The following TFR2 variants were observed in gnomAD, a reference collection of about 807,000 sequenced individuals.
TFR2 encodes transferrin receptor protein 2.
A neutral mutation model predicts 91.9 loss-of-function variants in TFR2; 64 were observed. That is an observed-to-expected ratio of 0.70 (90% CI 0.57 to 0.86). The LOEUF is 0.86. Among genes scored for constraint, TFR2 ranks in the 40% least tolerant of loss-of-function variants. The pLI, the probability that TFR2 is intolerant of heterozygous loss-of-function variation, is 0.00. For synonymous variants in TFR2, 454 were observed against 459.6 expected (o/e 0.99, Z 0.15); for missense variants, 950 against 1,080.5 (o/e 0.88, Z 1.69).
rs767397462 is a variant in TFR2, at chr7:100,633,102, A to C, written c.748T>G (p.Tyr250Asp). Residue 250 changes from tyrosine (Y) to aspartate (D), a missense_variant, in exon 6 of 18, where the codon TAC becomes GAC. Tyr to Asp is a radical substitution (Grantham distance 160). Transcript: ENST00000223051. ...NVTGELVYAH[Y>D]GRPEDLQDLR... ...TCCTGCAGGTCTTCGGGCCGCCCGT[A>C]GTGGGCGTACACCAGCTCTCCCTGG... 1.2e-6 allele frequency: 2 copies of C among 1,613,370 alleles called. No individual in the cohort carries two copies. Among genetic ancestry groups the C allele is most frequent in the Admixed American group, 1.7e-5 (1 of 59,984 alleles).
intron 17 of TFR2, among the ~76,000 whole-genome samples, chr7:100,621,517 G>A (rs1354792400): frequency 1.3e-5 from 2 of 152,168 alleles, no homozygotes; most frequent in East Asian, 1.9e-4. Context: ...GCCTCCCAAA[G>A]TGCTGGGATT....
intron 8 of TFR2, chr7:100,631,425 G>A (rs547327655): frequency 3.2e-5 from 7 of 217,998 alleles, no homozygotes; most frequent in South Asian, 3.0e-4. Flanking sequence ...TCAGGAGTTC[G>A]AGACCAGTCT....
At position 100,640,805 on chromosome 7, in the gene TFR2, GACC is replaced by G; in HGVS notation, c.351_353del (p.Val118del). The G allele has an allele frequency of 6.2e-7, 1 of 1,614,156 alleles. No individual in the cohort carries two copies. The highest frequency in any genetic ancestry group is 1.3e-5 in the African/African-American group (1 of 75,046). On this transcript the variant is annotated inframe_deletion, in exon 3 of 18. Transcript: ENST00000223051. ...CAGGCTCATAGTTGACATCCTCACT[GACC>G]ACCAACACAGAGTCTCCGCACGCCT...
At chr7:100,633,856 G>A (rs938125634) in intron 3 of TFR2, among the ~76,000 whole-genome samples, 1 of 151,684 alleles carries the variant, frequency 6.6e-6, no homozygotes, top group East Asian at 1.9e-4. Context: ...TTACAGGCAC[G>A]TGCCATCACG....
At chr7:100,621,896 C>T (rs946220241) in intron 17 of TFR2, among the ~76,000 whole-genome samples, 10 of 152,128 alleles carry the variant, frequency 6.6e-5, no homozygotes, top group African/African-American at 2.4e-4. Flanking sequence ...CTAGCCCCAT[C>T]TCTGGTTTGT....
intron 1 of TFR2, 52 bp downstream of exon 1, chr7:100,641,425 G>A: frequency 1.9e-6 from 3 of 1,610,240 alleles, no homozygotes; most frequent in Non-Finnish European, 2.5e-6. Flanking sequence ...GGAGGGGGCT[G>A]AGGGACTTAG....
Position 100,627,765 on chromosome 7 carries a change from T to C in TFR2, c.1661A>G (p.Asn554Ser). 3.1e-6 allele frequency: 5 copies of C among 1,613,630 alleles called. No individual in the cohort carries two copies. Among genetic ancestry groups the C allele is most frequent in the Middle Eastern group, 1.6e-4 (1 of 6,062 alleles). ...QTLYEQVVFT[N>S]PSWDAEVIRP... ...TTACACCTCAGCATCCCAGCTGGGA[T>C]TGGTGAACACCACCTGTTCATAGAG... The change falls in exon 14 of 18, where the codon AAT becomes AGT. Residue 554 changes from asparagine (N) to serine (S), a missense_variant. Coordinates refer to ENST00000223051, the MANE Select transcript of TFR2 (RefSeq NM_003227.4).
At chr7:100,638,022 G>A (rs1177963832) in intron 3 of TFR2, among the ~76,000 whole-genome samples, 3 of 151,052 alleles carry the variant, frequency 2.0e-5, no homozygotes, top group African/African-American at 7.3e-5. Context: ...TTGTTTTTTT[G>A]AGACAGAGTC....
chr7:100,634,123 G>C (rs1463903821), intron 3 of TFR2, among the ~76,000 whole-genome samples: 3 of 149,394 alleles, frequency 2.0e-5, no homozygotes, highest in Non-Finnish European at 4.4e-5. Context: ...CATCCTGTAG[G>C]TTCTTCCCGG....
intron 1 of TFR2, 23 bp downstream of exon 1, chr7:100,641,454 C>A (rs1386253292): frequency 6.2e-7 from 1 of 1,613,648 alleles, no homozygotes; most frequent in Non-Finnish European, 8.5e-7. Flanking sequence ...CCTAAGGGGT[C>A]TTCCCAATCC....
intron 10 of TFR2, among the ~76,000 whole-genome samples, chr7:100,628,820 G>A (rs1419034156): frequency 6.6e-6 from 1 of 151,924 alleles, no homozygotes; most frequent in Non-Finnish European, 1.5e-5. Context: ...AGGCTGGAGT[G>A]CAGTGGTGCG....
chr7:100,640,548 G>C (rs761033696), intron 3 of TFR2, 138 bp downstream of exon 3: 27 of 953,366 alleles, frequency 2.8e-5, no homozygotes, highest in Non-Finnish European at 4.0e-5. Flanking sequence ...CGCTGAACAG[G>C]GGGGCCAGGA....
Position 100,627,173 on chromosome 7 carries a change from C to A in TFR2, c.1995+91G>T, listed in dbSNP as rs537868956. On this transcript the variant is annotated intron_variant, in intron 16 of 17. Transcript: ENST00000223051. ...CTGGATTGCCAGAGAGGACCTAGAC[C>A]CCAGGGAATGCAGAGAGAAGGGGCT... The A allele has an allele frequency of 7.6e-5, 108 of 1,419,818 alleles. No homozygotes were observed. In the African/African-American group the frequency reaches 1.4e-3, roughly 18 times the overall value. 88.0% of individuals were successfully genotyped at this position (1,419,818 alleles called of 1,614,324 possible). A position where few individuals can be genotyped will look rare whatever the true frequency, so the allele number is the denominator to read the frequency against.
intron 3 of TFR2, among the ~76,000 whole-genome samples, chr7:100,636,170 C>CTTTTTT (rs10584926): frequency 2.3e-5 from 2 of 85,732 alleles, no homozygotes; most frequent in Non-Finnish European, 4.3e-5. Context: ...CACCCTGCAT[C>CTTTTTT]TTTTTTTTTT....
At position 100,620,724 on chromosome 7, in the gene TFR2, A is replaced by G; in HGVS notation, c.*133T>C. 7.9e-7 allele frequency: 1 copy of G among 1,271,330 alleles called. No homozygotes were observed. The highest frequency in any genetic ancestry group is 1.1e-6 in the Non-Finnish European group (1 of 901,078). 78.8% of individuals were successfully genotyped at this position (1,271,330 alleles called of 1,614,324 possible). ...GCTGGGGTCTGGGCTCCGTGGAGAG[A>G]TGTGTAGGGGTAATGAGAAATTGAT... is the stretch of plus-strand genomic sequence containing the variant. On this transcript the variant is annotated 3_prime_UTR_variant, in exon 18 of 18. Transcript: ENST00000223051.
intron 7 of TFR2, 48 bp downstream of exon 7, chr7:100,632,034 T>C (rs770879896): frequency 5.6e-6 from 9 of 1,613,912 alleles, no homozygotes; most frequent in South Asian, 5.5e-5. Flanking sequence ...AGCAAGAAGG[T>C]GTGGCCTCGG....
intron 17 of TFR2, among the ~76,000 whole-genome samples, chr7:100,624,597 G>A (rs889079513): frequency 6.6e-6 from 1 of 152,174 alleles, no homozygotes; most frequent in Admixed American, 6.6e-5. Context: ...AGGGAGCAGA[G>A]GCTCACGCCT....
rs568798511 is a variant in TFR2, at chr7:100,627,302, G to T, written c.1957C>A (p.His653Asn). The T allele has an allele frequency of 8.4e-6, 13 of 1,549,574 alleles. No homozygotes were observed. In the East Asian group the frequency reaches 3.2e-4, roughly 38 times the overall value. Reference sequence around the variant, plus strand: ...GAGAACTCGTTGAGGTTCCCGATGTGCCTGAGGACGACGTCCCCGTAGCGG... The same window carrying T: ...GAGAACTCGTTGAGGTTCCCGATGTTCCTGAGGACGACGTCCCCGTAGCGG... ...FGRYGDVVLRHIGNLNEFSGD... is the reference protein window; with the variant it reads ...FGRYGDVVLRNIGNLNEFSGD... The change falls in exon 16 of 18, where the codon CAC becomes AAC. Residue 653 changes from histidine (H) to asparagine (N), a missense_variant. Coordinates refer to ENST00000223051, the MANE Select transcript of TFR2 (RefSeq NM_003227.4).
In TFR2 at chr7:100,633,545, A is replaced by G. The variant is rs758111229; in HGVS notation, c.485T>C (p.Leu162Pro). 5 of 1,604,504 alleles carry G rather than the reference A, an allele frequency of 3.1e-6. No homozygotes were observed. In the East Asian group the frequency reaches 8.9e-5, roughly 29 times the overall value. Residue 162 changes from leucine (L) to proline (P), a missense_variant, in exon 4 of 18, where the codon CTT becomes CCT. Coordinates refer to ENST00000223051, the MANE Select transcript of TFR2 (RefSeq NM_003227.4). Reference sequence around the variant, plus strand: ...GGCCGAGCCTGCCACCCGTTCCCGAAGGCTGGTTTGCCTAAGCGGGGAGAG... The same window carrying G: ...GGCCGAGCCTGCCACCCGTTCCCGAGGGCTGGTTTGCCTAAGCGGGGAGAG... The part of the protein sequence containing the change: ...RLEDTIRQTS[L>P]RERVAGSAGM...
Sources: gnomAD v4.1 joint callset for allele counts (sites outside exome capture counted in the v4.1 genomes callset) on GRCh38, gnomAD v4.1.1 for gene constraint, MANE v1.5 for transcripts, NCBI Gene and HGNC (gene_info 2026-07-23, HGNC 2026-07-21) for gene names.